Variants in FEZ2 observed in about 807,000 individuals in gnomAD.
FEZ2 encodes fasciculation and elongation protein zeta 2.
FEZ2 carries 51 observed loss-of-function variants against 40.4 expected under a neutral mutation model. That is an observed-to-expected ratio of 1.26 (90% CI 1.01 to 1.59). The LOEUF is 1.59. FEZ2 is among the 40% of genes most tolerant of loss of function. FEZ2 has a pLI of 0.00. For missense variants in FEZ2, 640 were observed against 438.3 expected (o/e 1.46, Z -4.11); for synonymous variants, 242 against 172.0 (o/e 1.41, Z -3.18).
At chr2:36,597,563 C>G (rs1669262964) in intron 1 of FEZ2, among the ~76,000 whole-genome samples, 2 of 151,962 alleles carry the variant, frequency 1.3e-5, no homozygotes, top group Admixed American at 1.3e-4. Context: ...CCAGGAGGTG[C>G]CCCAGGAGGT....
intron 5 of FEZ2, among the ~76,000 whole-genome samples, chr2:36,576,846 G>C (rs1396723145): frequency 6.6e-6 from 1 of 152,152 alleles, no homozygotes; most frequent in African/African-American, 2.4e-5. Context: ...TTTTACATGG[G>C]AGTTACAAAA....
At chr2:36,564,807 C>G (rs1364825278) in intron 5 of FEZ2, among the ~76,000 whole-genome samples, 1 of 152,126 alleles carries the variant, frequency 6.6e-6, no homozygotes, top group Non-Finnish European at 1.5e-5. Flanking sequence ...GGAGGTCTTG[C>G]AATTCTCATT....
At chr2:36,580,795 G>A (rs1158977748) in intron 4 of FEZ2, among the ~76,000 whole-genome samples, 1 of 152,066 alleles carries the variant, frequency 6.6e-6, no homozygotes, top group Non-Finnish European at 1.5e-5. Flanking sequence ...CTTTAAAGAG[G>A]TAATTACATT....
At position 36,572,089 on chromosome 2, in the gene FEZ2, CCTT is replaced by C. The variant is rs374079098; in HGVS notation, c.903+6505_903+6507del. The stretch of plus-strand genomic sequence containing the variant: ...CATGCCTTTTCCACTTCTCCTCTAA[CCTT>C]CTTTTAAAACCACATTTTATCACTG... On this transcript the variant is annotated intron_variant, in intron 5 of 7. Coordinates refer to ENST00000405912, the MANE Select transcript of FEZ2 (RefSeq NM_005102.3). Among the ~76,000 whole-genome samples the C allele has an allele frequency of 1.9e-4, 29 of 150,570 alleles. No homozygotes were observed. In the East Asian group the frequency reaches 5.1e-3, roughly 26 times the overall value.
chr2:36,585,455 C>T (rs1490111060), intron 2 of FEZ2, among the ~76,000 whole-genome samples: 1 of 151,276 alleles, frequency 6.6e-6, no homozygotes, highest in Admixed American at 6.6e-5. Context: ...TAGAGAGTAA[C>T]ATTCAGATTA....
At chr2:36,557,616 A>G (rs1667989729) in intron 6 of FEZ2, 1 of 152,158 alleles carries the variant, frequency 6.6e-6, no homozygotes, top group South Asian at 2.1e-4. Flanking sequence ...CAATCCCTCC[A>G]TTTTAACGGC....
chr2:36,594,639 G>A (rs550295348), intron 1 of FEZ2: 4 of 152,972 alleles, frequency 2.6e-5, no homozygotes, highest in Non-Finnish European at 5.8e-5. Flanking sequence ...TGGGAATTCT[G>A]GGAGATACAA....
Position 36,578,798 on chromosome 2 carries a change from C to G in FEZ2, c.702G>C (p.Glu234Asp), listed in dbSNP as rs1462657389. The change falls in exon 5 of 8, where the codon GAG becomes GAC. Residue 234 changes from glutamate to aspartate, a missense_variant. Coordinates refer to ENST00000405912, the MANE Select transcript of FEZ2 (RefSeq NM_005102.3). ...ACTGCTGCACCAGCTCCTCAGAGTA[C>G]TCCTTAATGGCAGTCTCAATTTCTT... is the stretch of plus-strand genomic sequence containing the variant. ...ILEEIETAIK[E>D]YSEELVQQLA... is the part of the protein sequence containing the mutation. The G allele has an allele frequency of 2.5e-6, 4 of 1,613,718 alleles. No individual in the cohort carries two copies. Among genetic ancestry groups the G allele is most frequent in the Non-Finnish European group, 3.4e-6 (4 of 1,179,756 alleles).
chr2:36,563,355 C>G (rs1340699277), intron 5 of FEZ2, among the ~76,000 whole-genome samples: 1 of 152,164 alleles, frequency 6.6e-6, no homozygotes, highest in East Asian at 1.9e-4. Context: ...GTCCTTGCTG[C>G]TGATGGCTGC....
intron 2 of FEZ2, chr2:36,590,692 TA>T: frequency 2.1e-6 from 1 of 475,216 alleles, no homozygotes; most frequent in East Asian, 3.5e-5. Flanking sequence ...TAGCTACACA[TA>T]AAAAATGAGT....
Position 36,552,756 on chromosome 2 carries a change from G to T in FEZ2, c.*407C>A, listed in dbSNP as rs972842283. On this transcript the variant is annotated 3_prime_UTR_variant, in exon 8 of 8. Transcript: ENST00000405912. The stretch of plus-strand genomic sequence containing the variant: ...CACTGACAATTCTCACAAAAAAACA[G>T]TGTTGGTTCTTGCCATCACTGAATT... 1.5e-4 allele frequency: 30 copies of T among 197,650 alleles called. No individual in the cohort carries two copies. The highest frequency in any genetic ancestry group is 7.1e-4 in the African/African-American group (30 of 42,278). The allele number at this position is 197,650 out of a possible 1,614,324, so 12.2% of individuals were successfully genotyped here.
At chr2:36,562,649 AAAC>A (rs1171418684) in intron 5 of FEZ2, among the ~76,000 whole-genome samples, 8 of 152,190 alleles carry the variant, frequency 5.3e-5, no homozygotes, top group Non-Finnish European at 1.0e-4. Context: ...GCTAGTTATA[AAAC>A]AAAAACCTAC....
chr2:36,573,484 C>G (rs777514385), intron 5 of FEZ2, among the ~76,000 whole-genome samples: 1 of 152,186 alleles, frequency 6.6e-6, no homozygotes, highest in Non-Finnish European at 1.5e-5. Flanking sequence ...CCCAATAGAA[C>G]AATAATAATT....
chr2:36,553,042 G>GA lies in FEZ2; in HGVS notation c.*120dup. 1.3e-6 allele frequency: 1 copy of GA among 780,480 alleles called. No homozygotes were observed. Among genetic ancestry groups the GA allele is most frequent in the Non-Finnish European group, 2.2e-6 (1 of 462,766 alleles). 48.3% of individuals were successfully genotyped at this position (780,480 alleles called of 1,614,324 possible). On this transcript the variant is annotated 3_prime_UTR_variant, in exon 8 of 8. Transcript: ENST00000405912. ...AGTGTAGTCAAGATCTGTTAATACTGAATCAAACCCAAGTTCAAATGTGCT... is the reference window on the plus strand; with the variant it reads ...AGTGTAGTCAAGATCTGTTAATACTGAAATCAAACCCAAGTTCAAATGTGCT...
intron 2 of FEZ2, among the ~76,000 whole-genome samples, chr2:36,585,237 G>C (rs1668868769): frequency 6.6e-6 from 1 of 152,142 alleles, no homozygotes; most frequent in African/African-American, 2.4e-5. Flanking sequence ...CCTATATCCA[G>C]CTAAAACAAG....
chr2:36,563,613 G>A (rs547596550), intron 5 of FEZ2, among the ~76,000 whole-genome samples: 20 of 151,682 alleles, frequency 1.3e-4, no homozygotes, highest in Admixed American at 1.2e-3. Flanking sequence ...CAGAAGTCAG[G>A]CAGCATCAAT....
chr2:36,577,683 C>T (rs1668614874), intron 5 of FEZ2, among the ~76,000 whole-genome samples: 1 of 152,216 alleles, frequency 6.6e-6, no homozygotes, highest in East Asian at 1.9e-4. Flanking sequence ...TCATTGGTGG[C>T]CCACCATCCT....
At chr2:36,573,851 C>G (rs1394555640) in intron 5 of FEZ2, among the ~76,000 whole-genome samples, 1 of 152,242 alleles carries the variant, frequency 6.6e-6, no homozygotes, top group East Asian at 1.9e-4. Context: ...CTTAATATCT[C>G]CTGTTGGCGG....
chr2:36,586,720 C>T (rs1014631941), intron 2 of FEZ2, among the ~76,000 whole-genome samples: 1 of 152,140 alleles, frequency 6.6e-6, no homozygotes, highest in Non-Finnish European at 1.5e-5. Context: ...GTGGGAGGAT[C>T]TCCTGAGGTC....
Sources: allele counts gnomAD v4.1 joint callset (sites outside exome capture counted in the v4.1 genomes callset), GRCh38; gene constraint gnomAD v4.1.1; transcripts MANE v1.5; gene names NCBI Gene and HGNC (gene_info 2026-07-23, HGNC 2026-07-21).